The following SH3KBP1 variants were observed in gnomAD, a reference collection of about 807,000 sequenced individuals.
SH3KBP1 encodes SH3 domain-containing kinase-binding protein 1.
SH3KBP1 carries 8 observed loss-of-function variants against 50.1 expected under a neutral mutation model. That is an observed-to-expected ratio of 0.16 (90% CI 0.09 to 0.29). The LOEUF is 0.29. SH3KBP1 is among the 10% of genes least tolerant of loss of function. The pLI, the probability that SH3KBP1 is intolerant of heterozygous loss-of-function variation, is 1.00. For missense variants in SH3KBP1, 377 were observed against 535.2 expected (o/e 0.70, Z 2.92); for synonymous variants, 227 against 218.6 (o/e 1.04, Z -0.34).
chrX:19,565,408 C>T (rs2065815653), intron 13 of SH3KBP1, among the ~76,000 whole-genome samples: 1 of 111,570 alleles, frequency 9.0e-6, no homozygotes, highest in South Asian at 3.7e-4. Context: ...TCAGTTTCCC[C>T]AGCTTGCTTT....
intron 8 of SH3KBP1, among the ~76,000 whole-genome samples, chrX:19,624,535 CCTTTCAACAACTGT>C (rs1317437037): frequency 9.0e-6 from 1 of 111,561 alleles, no homozygotes; most frequent in African/African-American, 3.3e-5. Context: ...GTTGGGGTGG[CCTTTCAACAACTGT>C]CTACTGGTGA....
At chrX:19,850,862 C>T (rs1458213038) in intron 1 of SH3KBP1, among the ~76,000 whole-genome samples, 1 of 110,239 alleles carries the variant, frequency 9.1e-6, no homozygotes, top group South Asian at 4.0e-4. Flanking sequence ...CCAGCCTCCC[C>T]GAGACCTACT....
At chrX:19,857,463 C>T (rs760456341) in intron 1 of SH3KBP1, among the ~76,000 whole-genome samples, 14 of 110,977 alleles carry the variant, frequency 1.3e-4, no homozygotes, top group African/African-American at 4.3e-4. Flanking sequence ...TGGCTCACAC[C>T]TGTAATCTCA....
Position 19,779,429 on chromosome X carries a change from AT to A in SH3KBP1, c.163-32989del, listed in dbSNP as rs751392909. 5.6e-3 allele frequency among the ~76,000 whole-genome samples: 588 copies of A among 104,630 alleles called. 8 individuals are homozygous for A. Among genetic ancestry groups the A allele is most frequent in the South Asian group, 7.6e-3 (18 of 2,365 alleles). The allele number at this position is 104,630 out of a possible 115,157, so 90.9% of individuals were successfully genotyped here. On this transcript the variant is annotated intron_variant, in intron 2 of 17. Coordinates refer to ENST00000397821, the MANE Select transcript of SH3KBP1 (RefSeq NM_031892.3). ...CTAGTTTCCAGGAAAACAGCACTTT[AT>A]TTTTTTTTTATTATACTTTAAGTTT...
intron 2 of SH3KBP1, among the ~76,000 whole-genome samples, chrX:19,794,288 G>A (rs2066638249): frequency 9.2e-6 from 1 of 108,965 alleles, no homozygotes; most frequent in South Asian, 4.0e-4. Flanking sequence ...TATAGTCCCA[G>A]CTACTCAGGA....
chrX:19,615,326 G>T (rs2067575259), intron 8 of SH3KBP1, among the ~76,000 whole-genome samples: 1 of 112,017 alleles, frequency 8.9e-6, no homozygotes, highest in African/African-American at 3.2e-5. Context: ...GTGGTCAGCT[G>T]CCCCCAGGCT....
Position 19,836,404 on chromosome X carries a change from T to C in SH3KBP1, c.5-122A>G, listed in dbSNP as rs2068058272. 3 of 635,725 alleles carry C rather than the reference T, an allele frequency of 4.7e-6. No homozygotes were observed. The African/African-American group carries it at 6.7e-5, about 14-fold the overall frequency. 52.4% of individuals were successfully genotyped at this position (635,725 alleles called of 1,213,427 possible). A position where few individuals can be genotyped will look rare whatever the true frequency, so the allele number is the denominator to read the frequency against. On this transcript the variant is annotated intron_variant, in intron 1 of 17. Coordinates refer to ENST00000397821, the MANE Select transcript of SH3KBP1 (RefSeq NM_031892.3). ...ACTTCCCCTCTACAAATATTCAAAA[T>C]AACAGGGCCACACACAGTAACCCAA...
chrX:19,578,124 G>A (rs2066260805), intron 12 of SH3KBP1, among the ~76,000 whole-genome samples: 1 of 111,820 alleles, frequency 8.9e-6, no homozygotes, highest in Non-Finnish European at 1.9e-5. Flanking sequence ...GAAACCACTC[G>A]AATTATCCTA....
chrX:19,602,344 G>T (rs748485876), intron 9 of SH3KBP1, among the ~76,000 whole-genome samples: 6 of 111,820 alleles, frequency 5.4e-5, no homozygotes, highest in African/African-American at 2.0e-4. Context: ...ATGCTGTAAG[G>T]CCCCATGAAG....
At chrX:19,673,277 T>A (rs891928914) in intron 6 of SH3KBP1, among the ~76,000 whole-genome samples, 2 of 111,029 alleles carry the variant, frequency 1.8e-5, no homozygotes, top group African/African-American at 6.5e-5. Context: ...AATAAACACA[T>A]ATCTGTGATT....
chrX:19,565,361 C>T (rs1290758969), intron 13 of SH3KBP1, among the ~76,000 whole-genome samples: 1 of 111,238 alleles, frequency 9.0e-6, no homozygotes, highest in Non-Finnish European at 1.9e-5. Context: ...CGCGCCTGGC[C>T]TTCAACTCCA....
At chrX:19,849,187 A>C (rs1039829311) in intron 1 of SH3KBP1, among the ~76,000 whole-genome samples, 1 of 110,594 alleles carries the variant, frequency 9.0e-6, no homozygotes, top group Non-Finnish European at 1.9e-5. Flanking sequence ...CGCTGGCAAA[A>C]TATTCTTGCC....
At chrX:19,650,616 C>T (rs1310232923) in intron 6 of SH3KBP1, among the ~76,000 whole-genome samples, 1 of 112,453 alleles carries the variant, frequency 8.9e-6, no homozygotes, top group African/African-American at 3.2e-5. Flanking sequence ...AAGTCAAACA[C>T]AAGAGATCAC....
At chrX:19,618,103 G>A (rs1440051291) in intron 8 of SH3KBP1, among the ~76,000 whole-genome samples, 1 of 110,614 alleles carries the variant, frequency 9.0e-6, no homozygotes, top group Non-Finnish European at 1.9e-5. Context: ...GATGTTTCTA[G>A]GGCTAGGCGC....
chrX:19,566,698 G>A (rs1252650544), intron 13 of SH3KBP1, among the ~76,000 whole-genome samples: 2 of 112,170 alleles, frequency 1.8e-5, no homozygotes, highest in African/African-American at 3.2e-5. Flanking sequence ...AAAAGCTACA[G>A]CAGGCCAGAG....
intron 3 of SH3KBP1, among the ~76,000 whole-genome samples, chrX:19,714,008 T>C (rs1366049643): frequency 8.9e-6 from 1 of 112,178 alleles, no homozygotes; most frequent in African/African-American, 3.2e-5. Flanking sequence ...TACTCAGCCA[T>C]AGAAAGAATG....
intron 6 of SH3KBP1, among the ~76,000 whole-genome samples, chrX:19,680,593 G>A (rs2063027548): frequency 9.0e-6 from 1 of 111,021 alleles, no homozygotes; most frequent in African/African-American, 3.3e-5. Context: ...TTCTAAAAAT[G>A]AAAACAGTGA....
At chrX:19,809,279 A>G (rs1469529274) in intron 2 of SH3KBP1, among the ~76,000 whole-genome samples, 1 of 111,915 alleles carries the variant, frequency 8.9e-6, no homozygotes, top group Non-Finnish European at 1.9e-5. Flanking sequence ...TAATCCCCAC[A>G]CTTTGGGAGG....
chrX:19,631,913 T>C lies in SH3KBP1; in HGVS notation c.848A>G (p.Asp283Gly). ...KVIFPYEAQN[D>G]DELTIKEGDI... Reference sequence around the variant, plus strand: ...TCCTTCTTTGATTGTCAATTCATCATCATTCTGTGCCTCATATGGAAATAT... The same window carrying C: ...TCCTTCTTTGATTGTCAATTCATCACCATTCTGTGCCTCATATGGAAATAT... The change falls in exon 8 of 18, where the codon GAT (aspartate) becomes GGT (glycine). Residue 283 changes from aspartate (D) to glycine (G), a missense_variant. Physicochemically the swap from Asp to Gly is moderately conservative, Grantham distance 94 (BLOSUM62 -1). Coordinates refer to ENST00000397821, the MANE Select transcript of SH3KBP1 (RefSeq NM_031892.3). 1 of 1,200,002 alleles carries C rather than the reference T, an allele frequency of 8.3e-7. No individual in the cohort carries two copies. Among genetic ancestry groups the C allele is most frequent in the Non-Finnish European group, 1.1e-6 (1 of 885,729 alleles).
Sources: allele counts gnomAD v4.1 joint callset (sites outside exome capture counted in the v4.1 genomes callset), GRCh38; gene constraint gnomAD v4.1.1; transcripts MANE v1.5; gene names NCBI Gene and HGNC (gene_info 2026-07-23, HGNC 2026-07-21).